The following XPO1 variants were observed in gnomAD, a reference collection of about 807,000 sequenced individuals.
XPO1 encodes the protein exportin-1.
A neutral mutation model predicts 133.3 loss-of-function variants in XPO1; 5 were observed. The ratio of observed to expected loss-of-function variants is 0.04; its 90% confidence interval spans 0.02 to 0.08. The LOEUF is 0.08. Among genes scored for constraint, XPO1 ranks in the 10% least tolerant of loss-of-function variants. XPO1 has a pLI of 1.00. For missense variants in XPO1, 506 were observed against 1,267.5 expected (o/e 0.40, Z 9.12); for synonymous variants, 419 against 408.2 (o/e 1.03, Z -0.32).
At chr2:61,483,236 CTTAAA>C (rs1234340075) in intron 21 of XPO1, 145 bp from the exon 22 acceptor site, 18 of 812,338 alleles carry the variant, frequency 2.2e-5, no homozygotes, top group African/African-American at 1.9e-4. Context: ...CATAAGGTTT[CTTAAA>C]TTAATAATGG....
intron 4 of XPO1, among the ~76,000 whole-genome samples, chr2:61,517,230 A>G (rs948510774): frequency 6.6e-6 from 1 of 152,188 alleles, no homozygotes; most frequent in African/African-American, 2.4e-5. Flanking sequence ...GGGATGGGGA[A>G]TTATCTGAAT....
chr2:61,481,415 T>G (rs1204759528), intron 23 of XPO1, 134 bp from the exon 24 acceptor site: 1 of 454,294 alleles, frequency 2.2e-6, no homozygotes, highest in African/African-American at 2.0e-5. Context: ...TTCAAGACAT[T>G]CTCCTGCCTC....
intron 3 of XPO1, among the ~76,000 whole-genome samples, chr2:61,523,691 A>G (rs1698792695): frequency 6.6e-6 from 1 of 152,240 alleles, no homozygotes; most frequent in Admixed American, 6.5e-5. Context: ...ATGGTTAGTC[A>G]TTACACAATA....
chr2:61,485,921 G>A lies in XPO1; in HGVS notation c.2355C>T (p.Leu785=), dbSNP rs1402160167. ...NFVPPLLDAV[L]IDYQRNVPAA... is the part of the protein sequence containing the mutation. ...CTGGGACATTTCTCTGATAATCAATGAGAACTGCATCCAACAGAGGGGGAA... is the reference window on the plus strand; with the variant it reads ...CTGGGACATTTCTCTGATAATCAATAAGAACTGCATCCAACAGAGGGGGAA... The change falls in exon 20 of 25, where the codon CTC becomes CTT. Residue 785 remains leucine (L), a synonymous_variant. Coordinates refer to ENST00000401558, the MANE Select transcript of XPO1 (RefSeq NM_003400.4). 2 of 1,613,882 alleles carry A rather than the reference G, an allele frequency of 1.2e-6. No individual in the cohort carries two copies. The highest frequency in any genetic ancestry group is 1.7e-6 in the Non-Finnish European group (2 of 1,179,920).
At chr2:61,534,998 T>TA (rs370871963) in intron 1 of XPO1, among the ~76,000 whole-genome samples, 61 of 152,308 alleles carry the variant, frequency 4.0e-4, no homozygotes, top group Middle Eastern at 3.4e-3. Context: ...GTAAAAGCTG[T>TA]AAAAGCTTGC....
Position 61,533,197 on chromosome 2 carries a change from A to G in XPO1, c.126+575T>C, listed in dbSNP as rs138193414. On this transcript the variant is annotated intron_variant, in intron 2 of 24. Transcript: ENST00000401558. ...GTCTCAAAAAAAAGTTTGGCCCCACAGGTAAAAAATCAAGTTTTTTTTCTT... is the reference window on the plus strand; with the variant it reads ...GTCTCAAAAAAAAGTTTGGCCCCACGGGTAAAAAATCAAGTTTTTTTTCTT... Among the ~76,000 whole-genome samples, 418 of 152,306 alleles carry G rather than the reference A, an allele frequency of 2.7e-3. 2 individuals are homozygous for G. Among genetic ancestry groups the G allele is most frequent in the African/African-American group, 9.7e-3 (405 of 41,568 alleles).
intron 24 of XPO1, among the ~76,000 whole-genome samples, chr2:61,479,186 C>T (rs1696205202): frequency 6.6e-6 from 1 of 152,106 alleles, no homozygotes; most frequent in Non-Finnish European, 1.5e-5. Context: ...GAATCATGGG[C>T]CCCGGCATGG....
chr2:61,524,056 T>TA (rs551067925), intron 3 of XPO1, among the ~76,000 whole-genome samples: 16 of 152,124 alleles, frequency 1.1e-4, no homozygotes, highest in East Asian at 3.9e-4. Flanking sequence ...GAGAAATATG[T>TA]AAAAAAAAGA....
At chr2:61,526,119 T>C (rs1698896226) in intron 3 of XPO1, 3 of 1,157,624 alleles carry the variant, frequency 2.6e-6, no homozygotes, top group Non-Finnish European at 3.2e-6. Flanking sequence ...TTATGTTTAA[T>C]CTCTGAATAA....
intron 4 of XPO1, among the ~76,000 whole-genome samples, chr2:61,522,392 TTC>T (rs995493161): frequency 7.9e-5 from 12 of 152,276 alleles, no homozygotes; most frequent in African/African-American, 2.9e-4. Flanking sequence ...TGTCAGAGTT[TTC>T]AACAGTCCAG....
chr2:61,530,482 A>G (rs1277765307), intron 2 of XPO1, among the ~76,000 whole-genome samples: 1 of 152,234 alleles, frequency 6.6e-6, no homozygotes, highest in African/African-American at 2.4e-5. Flanking sequence ...GTTGCTAAGC[A>G]ATAGAGTTCA....
rs529076355 is a variant in XPO1 at position 61,538,115 on chromosome 2, C to T, written c.-560G>A. ...CTCAGCGACTGGTGGTTCCCCCCTC[C>T]CCCTCTGGGTGGTTGCACGGACTGC... On this transcript the variant is annotated 5_prime_UTR_variant, in exon 1 of 25. Coordinates refer to ENST00000401558, the MANE Select transcript of XPO1 (RefSeq NM_003400.4). 1.0e-5 allele frequency: 2 copies of T among 200,200 alleles called. No homozygotes were observed. The highest frequency in any genetic ancestry group is 1.7e-4 in the South Asian group (1 of 5,834). The allele number at this position is 200,200 out of a possible 1,614,324, so 12.4% of individuals were successfully genotyped here.
At chr2:61,511,658 C>G (rs1698102340) in intron 4 of XPO1, among the ~76,000 whole-genome samples, 1 of 152,228 alleles carries the variant, frequency 6.6e-6, no homozygotes, top group Admixed American at 6.5e-5. Context: ...GAGAGCCTCC[C>G]AAACTGCTGG....
chr2:61,528,209 T>G (rs375538317), intron 2 of XPO1, among the ~76,000 whole-genome samples: 1 of 151,998 alleles, frequency 6.6e-6, no homozygotes, highest in Non-Finnish European at 1.5e-5. Flanking sequence ...TACACCTTTG[T>G]TCCTTCTTTA....
chr2:61,526,372 T>A, intron 3 of XPO1, 48 bp downstream of exon 3: 3 of 1,579,402 alleles, frequency 1.9e-6, no homozygotes, highest in Non-Finnish European at 1.7e-6. Context: ...TCAAAGTTTA[T>A]GACTGGAAGA....
intron 4 of XPO1, among the ~76,000 whole-genome samples, chr2:61,507,776 G>A (rs778120852): frequency 1.3e-5 from 2 of 152,082 alleles, no homozygotes; most frequent in Non-Finnish European, 2.9e-5. Flanking sequence ...TACTCGGGAG[G>A]CTGAGGCAGG....
In XPO1 at chr2:61,495,611, C is replaced by T. The variant is rs61758379; in HGVS notation, c.891G>A (p.Met297Ile). ...GTCGAATATTGGTATTTAAAGGAAG[C>T]ATCTGCAAATTTTAAAAGGGACGAT... ...FTLTMMQLKQ[M>I]LPLNTNIRLA... The change falls in exon 11 of 25, where the codon ATG becomes ATA. Residue 297 changes from methionine (M) to isoleucine (I), a missense_variant and splice_region_variant. Coordinates refer to ENST00000401558, the MANE Select transcript of XPO1 (RefSeq NM_003400.4). The T allele has an allele frequency of 6.4e-7, 1 of 1,551,562 alleles. No individual in the cohort carries two copies. Among genetic ancestry groups the T allele is most frequent in the Non-Finnish European group, 8.7e-7 (1 of 1,145,140 alleles).
chr2:61,509,626 CAAAAAAAAGGA>C (rs544673443), intron 4 of XPO1, among the ~76,000 whole-genome samples: 453 of 149,558 alleles, frequency 3.0e-3, no homozygotes, highest in Non-Finnish European at 4.1e-3. Flanking sequence ...AACTCTGTCT[CAAAAAAAAGGA>C]AAAAAAAAGG....
chr2:61,503,838 A>T lies in XPO1; in HGVS notation c.302-1528T>A, dbSNP rs572752843. On this transcript the variant is annotated intron_variant, in intron 4 of 24. Transcript: ENST00000401558. ...TGCCTTGGCCTCCCAGACTGCTGGG[A>T]TTATAGGCATGAGCCACCAGGCCTG... 1.1e-4 allele frequency among the ~76,000 whole-genome samples: 16 copies of T among 152,316 alleles called. No homozygotes were observed. The East Asian group carries it at 3.1e-3, about 29-fold the overall frequency.
Sources: gnomAD v4.1 joint callset for allele counts (sites outside exome capture counted in the v4.1 genomes callset) on GRCh38, gnomAD v4.1.1 for gene constraint, MANE v1.5 for transcripts, NCBI Gene and HGNC (gene_info 2026-07-23, HGNC 2026-07-21) for gene names.